CNIH1: variants seen among roughly 807,000 people sequenced by gnomAD.
CNIH1 encodes protein cornichon homolog 1.
In CNIH1, 12 loss-of-function variants were observed where a neutral mutation model predicts 20.2. The observed-to-expected ratio is 0.59, with a 90% CI of 0.38 to 0.96. CNIH1 has a LOEUF of 0.96. Ranked by LOEUF, CNIH1 falls within the 40% of genes least tolerant of loss-of-function variation. The pLI is 0.00. For missense variants in CNIH1, 152 were observed against 178.8 expected, an observed-to-expected ratio of 0.85 and a Z score of 0.85; for synonymous variants, 69 against 63.3, an observed-to-expected ratio of 1.09 and a Z score of -0.43.
chr14:54,437,913 C>G (rs2031087166), intron 1 of CNIH1, among the ~76,000 whole-genome samples: 1 of 151,574 alleles, frequency 6.6e-6, no homozygotes, highest in Non-Finnish European at 1.5e-5. Context: ...TCCAACTTAA[C>G]AGAATACAAA....
At position 54,427,816 on chromosome 14, in the gene CNIH1, A is replaced by G. The variant is rs1490632202; in HGVS notation, c.433T>C (p.Ter145GlnextTer10). 2.5e-6 allele frequency: 4 copies of G among 1,613,740 alleles called. No individual in the cohort carries two copies. The highest frequency in any genetic ancestry group is 3.4e-6 in the Non-Finnish European group (4 of 1,179,868). The change falls in exon 5 of 5, where the codon TAG (stop) becomes CAG (glutamine). Residue 145 changes from the stop codon to glutamine, a stop_lost. Transcript: ENST00000216416. Reference sequence around the variant, plus strand: ...GACCAATTCTTCTGTGTGTTGTTCTAAGAGCTCACCAAAACATAGATCATG... The same window carrying G: ...GACCAATTCTTCTGTGTGTTGTTCTGAGAGCTCACCAAAACATAGATCATG... ...YGMIYVLVSS[*>Q]
Position 54,435,610 on chromosome 14 carries a change from A to G in CNIH1, c.150+759T>C, listed in dbSNP as rs145598028. ...GAATGGCATTGCTGCGAGATCCCAG[A>G]GCCCCCAGAACAGAGCTATCCACCT... On this transcript the variant is annotated intron_variant, in intron 2 of 4. Coordinates refer to ENST00000216416, the MANE Select transcript of CNIH1 (RefSeq NM_005776.3). Among the ~76,000 whole-genome samples the G allele has an allele frequency of 7.3e-3, 1,116 of 152,292 alleles. 17 individuals are homozygous for G. Among genetic ancestry groups the G allele is most frequent in the African/African-American group, 0.025 (1,028 of 41,548 alleles).
rs371859620 is a variant in CNIH1, at chr14:54,431,395, G to A, written c.263+713C>T. ...CCCACTTCGGCCTCCCAAAGTGCTGGGATTACAGGCGTGAGCCACTGCGCC... is the reference window on the plus strand; with the variant it reads ...CCCACTTCGGCCTCCCAAAGTGCTGAGATTACAGGCGTGAGCCACTGCGCC... On this transcript the variant is annotated intron_variant, in intron 3 of 4. Coordinates refer to ENST00000216416, the MANE Select transcript of CNIH1 (RefSeq NM_005776.3). Among the ~76,000 whole-genome samples the A allele has an allele frequency of 1.0e-3, 153 of 152,200 alleles. 5 individuals carry two copies. The South Asian group carries it at 0.028, about 28-fold the overall frequency.
rs943683089 is a variant in CNIH1 at position 54,425,768 on chromosome 14, C to T, written c.*2046G>A. 1 of 152,172 alleles carries T rather than the reference C, an allele frequency of 6.6e-6. No individual in the cohort carries two copies. The highest frequency in any genetic ancestry group is 2.4e-5 in the African/African-American group (1 of 41,440). The allele number at this position is 152,172 out of a possible 1,614,324, so 9.4% of individuals were successfully genotyped here. On this transcript the variant is annotated 3_prime_UTR_variant, in exon 5 of 5. Transcript: ENST00000216416. ...TCTTTGAGGAATCAGCTGAAGACTA[C>T]ATATCTTATTTGGGAAACATGAGAA... is the stretch of plus-strand genomic sequence containing the variant.
rs2030787608 is a variant in CNIH1, at chr14:54,424,486, G to A, written c.*3328C>T. The A allele has an allele frequency of 6.6e-6, 1 of 152,108 alleles. No individual in the cohort carries two copies. The highest frequency in any genetic ancestry group is 6.5e-5 in the Admixed American group (1 of 15,268). 9.4% of individuals were successfully genotyped at this position (152,108 alleles called of 1,614,324 possible). A position where few individuals can be genotyped will look rare whatever the true frequency, so the allele number is the denominator to read the frequency against. Reference sequence around the variant, plus strand: ...ACTGCTAGGATATAACCACACCTAAGGTGAAAGCTCACCCCTACAGGGTAT... The same window carrying A: ...ACTGCTAGGATATAACCACACCTAAAGTGAAAGCTCACCCCTACAGGGTAT... On this transcript the variant is annotated 3_prime_UTR_variant, in exon 5 of 5. Transcript: ENST00000216416.
chr14:54,434,234 G>A (rs2031006836), intron 2 of CNIH1, among the ~76,000 whole-genome samples: 1 of 152,088 alleles, frequency 6.6e-6, no homozygotes, highest in African/African-American at 2.4e-5. Flanking sequence ...GCCAATTATT[G>A]GCACCCTATC....
chr14:54,429,193 T>A (rs1030949716), intron 4 of CNIH1, among the ~76,000 whole-genome samples: 1 of 152,368 alleles, frequency 6.6e-6, no homozygotes, highest in South Asian at 2.1e-4. Context: ...GTCATTTCAC[T>A]GCACCTACAA....
intron 1 of CNIH1, among the ~76,000 whole-genome samples, chr14:54,437,983 T>G (rs980487722): frequency 1.3e-5 from 2 of 152,012 alleles, no homozygotes; most frequent in African/African-American, 4.8e-5. Flanking sequence ...CAAGGGTTTT[T>G]TTTTTTTTTT....
At chr14:54,430,511 G>A (rs2030913013) in intron 3 of CNIH1, 107 bp from the exon 4 acceptor site, 1 of 1,071,030 alleles carries the variant, frequency 9.3e-7, no homozygotes, top group Non-Finnish European at 1.3e-6. Flanking sequence ...GTCCATAAAG[G>A]GAAGCATTCT....
At chr14:54,431,095 G>C (rs1468605681) in intron 3 of CNIH1, among the ~76,000 whole-genome samples, 2 of 152,070 alleles carry the variant, frequency 1.3e-5, no homozygotes, top group African/African-American at 2.4e-5. Flanking sequence ...AAAGTGCTGG[G>C]ATTACAGACA....
chr14:54,438,234 C>A (rs750746557), intron 1 of CNIH1, among the ~76,000 whole-genome samples: 1 of 152,180 alleles, frequency 6.6e-6, no homozygotes, highest in Non-Finnish European at 1.5e-5. Flanking sequence ...CCTGCCTTGG[C>A]CTCCCAAAGT....
chr14:54,434,779 T>C (rs1431077385), intron 2 of CNIH1, among the ~76,000 whole-genome samples: 1 of 152,224 alleles, frequency 6.6e-6, no homozygotes, highest in African/African-American at 2.4e-5. Context: ...CAACTTCAAC[T>C]ACTTAGGTTA....
intron 2 of CNIH1, among the ~76,000 whole-genome samples, chr14:54,435,351 G>A (rs566721363): frequency 9.9e-5 from 15 of 152,010 alleles, no homozygotes; most frequent in Non-Finnish European, 2.1e-4. Context: ...ATAAGAGCCT[G>A]GGCAATATAG....
chr14:54,440,921 G>A (rs1355050237), intron 1 of CNIH1, among the ~76,000 whole-genome samples: 1 of 152,130 alleles, frequency 6.6e-6, no homozygotes, highest in Non-Finnish European at 1.5e-5. Flanking sequence ...CGGGAATGCA[G>A]GGCCGCGGGC....
At chr14:54,435,982 C>T (rs749638775) in intron 2 of CNIH1, 31 of 659,602 alleles carry the variant, frequency 4.7e-5, no homozygotes, top group Non-Finnish European at 7.2e-5. Flanking sequence ...GGCATATGAA[C>T]GAGCACACTG....
At chr14:54,427,935 T>C (rs1594615185) in intron 4 of CNIH1, 94 bp from the exon 5 acceptor site, 1 of 1,166,804 alleles carries the variant, frequency 8.6e-7, no homozygotes, top group Non-Finnish European at 1.3e-6. Flanking sequence ...AGCAAACTAG[T>C]ATCACAGAAA....
chr14:54,432,782 T>C (rs2030975381), intron 2 of CNIH1, among the ~76,000 whole-genome samples: 1 of 152,192 alleles, frequency 6.6e-6, no homozygotes, highest in Non-Finnish European at 1.5e-5. Flanking sequence ...CTCAGCACAG[T>C]GAGGGGAAGA....
intron 1 of CNIH1, among the ~76,000 whole-genome samples, chr14:54,440,098 G>A (rs958881979): frequency 3.3e-5 from 5 of 152,186 alleles, no homozygotes; most frequent in South Asian, 2.1e-4. Flanking sequence ...TAGCAAAAAG[G>A]AATGGATTTG....
Position 54,429,632 on chromosome 14 carries a change from G to A in CNIH1, c.407+629C>T, listed in dbSNP as rs183834547. ...AAATTAGCCGGGCGTGGTGGTGCACGCCTGTAATCCCAGCTACTCAGGAGG... is the reference window on the plus strand; with the variant it reads ...AAATTAGCCGGGCGTGGTGGTGCACACCTGTAATCCCAGCTACTCAGGAGG... On this transcript the variant is annotated intron_variant, in intron 4 of 4. Transcript: ENST00000216416. Among the ~76,000 whole-genome samples, 324 of 152,218 alleles carry A rather than the reference G, an allele frequency of 2.1e-3. 6 individuals are homozygous for A. Among genetic ancestry groups the A allele is most frequent in the South Asian group, 0.017 (84 of 4,814 alleles).
Sources: allele counts gnomAD v4.1 joint callset (sites outside exome capture counted in the v4.1 genomes callset), GRCh38; gene constraint gnomAD v4.1.1; transcripts MANE v1.5; gene names NCBI Gene and HGNC (gene_info 2026-07-23, HGNC 2026-07-21).